TRIM14: variants seen among roughly 807,000 people sequenced by gnomAD.
The protein encoded by TRIM14 is tripartite motif-containing protein 14.
A neutral mutation model predicts 44.5 loss-of-function variants in TRIM14; 28 were observed. That is an observed-to-expected ratio of 0.63 (90% confidence interval 0.47 to 0.86). TRIM14 has a LOEUF of 0.86. Ranked by LOEUF, TRIM14 falls within the 40% of genes least tolerant of loss-of-function variation. The probability of loss-of-function intolerance (pLI) is 0.00; values close to 1 mark genes in which losing one functional copy is unlikely to be tolerated. For synonymous variants in TRIM14, 299 were observed against 269.2 expected (o/e 1.11, Z -1.08); for missense variants, 607 against 611.1 (o/e 0.99, Z 0.07).
intron 2 of TRIM14, among the ~76,000 whole-genome samples, chr9:98,108,081 CTT>C (rs34246943): frequency 2.1e-4 from 28 of 133,514 alleles, no homozygotes; most frequent in Admixed American, 4.6e-4. Context: ...ACATACCATC[CTT>C]TTTTTTTTTT....
rs979763844 is a variant in TRIM14, at chr9:98,085,215, G to C, written c.*2255C>G. ...ATCATGGGCAGTAGCTCCACGAGAG[G>C]GGCCAGAGCACCAGGCACTGGCCAG... On this transcript the variant is annotated 3_prime_UTR_variant, in exon 6 of 6. Transcript: ENST00000341469. 6.6e-6 allele frequency: 1 copy of C among 152,244 alleles called. No homozygotes were observed. Among genetic ancestry groups the C allele is most frequent in the East Asian group, 1.9e-4 (1 of 5,198 alleles). The allele number at this position is 152,244 out of a possible 1,614,324, so 9.4% of individuals were successfully genotyped here.
downstream of TRIM14, among the ~76,000 whole-genome samples, chr9:98,080,493 G>A (rs1387887387): frequency 1.3e-5 from 2 of 152,220 alleles, no homozygotes; most frequent in Non-Finnish European, 2.9e-5. Flanking sequence ...TTTTGAATGA[G>A]GTTAGACATT....
chr9:98,116,428 C>A (rs1230478976), intron 1 of TRIM14, among the ~76,000 whole-genome samples: 1 of 152,136 alleles, frequency 6.6e-6, no homozygotes, highest in Non-Finnish European at 1.5e-5. Flanking sequence ...GGTCTAGGAA[C>A]CTCAAGATAT....
chr9:98,050,020 A>G, the TRIM14 span, among the ~76,000 whole-genome samples: 1 of 152,348 alleles, frequency 6.6e-6, no homozygotes, highest in Admixed American at 6.5e-5. Flanking sequence ...ATGGACAGGA[A>G]AAGGAAAGTG....
chr9:98,082,899 A>G (rs771389656), downstream of TRIM14: 18 of 1,614,048 alleles, frequency 1.1e-5, no homozygotes, highest in East Asian at 2.7e-4. Flanking sequence ...CCATTCTAAC[A>G]ATGGACATGC....
At chr9:98,073,612 G>T (rs973909208) in intron 6 of TRIM14, among the ~76,000 whole-genome samples, 2 of 148,552 alleles carry the variant, frequency 1.3e-5, no homozygotes, top group Non-Finnish European at 3.0e-5. Context: ...TTCCAATCCT[G>T]AAGGATCCAA....
chr9:98,084,180 A>T (rs1417011311), downstream of TRIM14, among the ~76,000 whole-genome samples: 2 of 152,098 alleles, frequency 1.3e-5, no homozygotes, highest in African/African-American at 4.8e-5. Flanking sequence ...GATGACTCCC[A>T]TTCATTCACA....
chr9:98,053,060 T>G, the TRIM14 span, among the ~76,000 whole-genome samples: 1 of 152,126 alleles, frequency 6.6e-6, no homozygotes, highest in Non-Finnish European at 1.5e-5. Flanking sequence ...GGAAAAAGAA[T>G]CAATAAATGG....
At position 98,119,213 on chromosome 9, in the gene TRIM14, C is replaced by A. The variant is rs886938715; in HGVS notation, c.-25G>T. On this transcript the variant is annotated 5_prime_UTR_variant, in exon 1 of 6. Transcript: ENST00000341469. ...TTCATCTCCACCTCCTCCGGCTCCC[C>A]GGGACACAGGGCGGGGCTCCCAAGG... 1 of 1,561,842 alleles carries A rather than the reference C, an allele frequency of 6.4e-7. No homozygotes were observed. The highest frequency in any genetic ancestry group is 1.4e-5 in the African/African-American group (1 of 70,926).
chr9:98,085,167 G>A lies in TRIM14; in HGVS notation c.*2303C>T, dbSNP rs1035815629. The A allele has an allele frequency of 1.3e-5, 2 of 152,322 alleles. No homozygotes were observed. Among genetic ancestry groups the A allele is most frequent in the East Asian group, 1.9e-4 (1 of 5,198 alleles). The allele number at this position is 152,322 out of a possible 1,614,324, so 9.4% of individuals were successfully genotyped here. ...TCCAAAGGTAGACTCAAGTCTCGCAGAGTAACCAGGCACTAGGAAAGCATC... is the reference window on the plus strand; with the variant it reads ...TCCAAAGGTAGACTCAAGTCTCGCAAAGTAACCAGGCACTAGGAAAGCATC... On this transcript the variant is annotated 3_prime_UTR_variant, in exon 6 of 6. Coordinates refer to ENST00000341469, the MANE Select transcript of TRIM14 (RefSeq NM_014788.4).
downstream of TRIM14, among the ~76,000 whole-genome samples, chr9:98,066,755 A>G (rs1829160359): frequency 6.6e-6 from 1 of 151,926 alleles, no homozygotes; most frequent in Admixed American, 6.6e-5. Flanking sequence ...GGTTCAAGCA[A>G]TTCTCCTGCC....
the TRIM14 span, among the ~76,000 whole-genome samples, chr9:98,046,273 G>A: frequency 6.6e-6 from 1 of 151,964 alleles, no homozygotes; most frequent in East Asian, 1.9e-4. Flanking sequence ...TAAGTATTAG[G>A]GCCCTGGAAG....
At chr9:98,036,756 A>G in the TRIM14 span, among the ~76,000 whole-genome samples, 23 of 152,236 alleles carry the variant, frequency 1.5e-4, no homozygotes, top group South Asian at 4.6e-3. Context: ...GTGAGCCCAG[A>G]TCGCACCATT....
In TRIM14 at chr9:98,100,020, A is replaced by C. The variant is rs763017879; in HGVS notation, c.448T>G (p.Ser150Ala). ...TLQVYREQAD[S>A]CREQLDIMND... ...ATGATGTCAAGTTGCTCTCTGCAAGAGTCAGCTTGTTCCCTGTACACCTGG... is the reference window on the plus strand; with the variant it reads ...ATGATGTCAAGTTGCTCTCTGCAAGCGTCAGCTTGTTCCCTGTACACCTGG... Residue 150 changes from serine to alanine, a missense_variant, in exon 3 of 6, where the codon TCT becomes GCT. Physicochemically the swap from Ser to Ala is moderately conservative, Grantham distance 99. Around this residue, in one of 3 missense-constraint regions of TRIM14, gnomAD observed 246 missense variants for 270.8 expected, o/e 0.91. Coordinates refer to ENST00000341469, the MANE Select transcript of TRIM14 (RefSeq NM_014788.4). 2 of 1,614,212 alleles carry C rather than the reference A, an allele frequency of 1.2e-6. No homozygotes were observed. Among genetic ancestry groups the C allele is most frequent in the East Asian group, 2.2e-5 (1 of 44,892 alleles).
chr9:98,062,590 T>G, the TRIM14 span, among the ~76,000 whole-genome samples: 2 of 152,178 alleles, frequency 1.3e-5, no homozygotes, highest in Non-Finnish European at 2.9e-5. Flanking sequence ...TATTCTTGTT[T>G]TATTGCCTGC....
intron 1 of TRIM14, among the ~76,000 whole-genome samples, chr9:98,111,844 A>G (rs2118648532): frequency 6.6e-6 from 1 of 152,292 alleles, no homozygotes; most frequent in African/African-American, 2.4e-5. Flanking sequence ...AGGCTGAGGC[A>G]GGAGAATCAC....
chr9:98,098,516 C>A, intron 3 of TRIM14, among the ~76,000 whole-genome samples: 1 of 151,850 alleles, frequency 6.6e-6, no homozygotes, highest in East Asian at 1.9e-4. Flanking sequence ...TGGAGACCAT[C>A]CTGGCTAACA....
At chr9:98,057,989 C>T in the TRIM14 span, among the ~76,000 whole-genome samples, 4 of 120,328 alleles carry the variant, frequency 3.3e-5, no homozygotes, top group African/African-American at 1.3e-4. Flanking sequence ...GTGGCATGAT[C>T]CCGGCTCACT....
chr9:98,110,223 A>G, intron 1 of TRIM14: 1 of 505,352 alleles, frequency 2.0e-6, no homozygotes, highest in Non-Finnish European at 3.6e-6. Context: ...CCTTCCTCAC[A>G]CTTTACTTTA....
Sources: gnomAD v4.1 joint callset for allele counts (sites outside exome capture counted in the v4.1 genomes callset) on GRCh38, gnomAD v4.1.1 for gene constraint, gnomAD v4.1.1 regional missense constraint, MANE v1.5 for transcripts, NCBI Gene and HGNC (gene_info 2026-07-23, HGNC 2026-07-21) for gene names.